ASCL2: variants seen among roughly 807,000 people sequenced by gnomAD.
ASCL2 encodes achaete-scute family bHLH transcription factor 2.
A neutral mutation model predicts 5.1 loss-of-function variants in ASCL2; 6 were observed. The observed-to-expected ratio is 1.17, with a 90% CI of 0.64 to 2.31. The LOEUF (loss-of-function observed/expected upper bound fraction) is 2.31, where lower values mean the gene tolerates loss of function less well. Ranked by LOEUF, ASCL2 falls within the 30% of genes most tolerant of loss-of-function variation. ASCL2 has a pLI of 0.00. For missense variants in ASCL2, 320 were observed against 310.3 expected (o/e 1.03, Z -0.23); for synonymous variants, 174 against 157.3 (o/e 1.11, Z -0.80).
In ASCL2 at chr11:2,270,448, G is replaced by A; in HGVS notation, c.-116C>T. ...GCCCCAAGGGGGCTTCTGGCACGGC[G>A]CCGCCAGGCAACTCCCCAGGGCACG... On this transcript the variant is annotated 5_prime_UTR_variant, in exon 1 of 2. Coordinates refer to ENST00000331289, the MANE Select transcript of ASCL2 (RefSeq NM_005170.3). 3 of 1,253,564 alleles carry A rather than the reference G, an allele frequency of 2.4e-6. No homozygotes were observed. The African/African-American group carries it at 4.7e-5, about 20-fold the overall frequency. 77.7% of individuals were successfully genotyped at this position (1,253,564 alleles called of 1,614,324 possible). A position where few individuals can be genotyped will look rare whatever the true frequency, so the allele number is the denominator to read the frequency against.
intron 1 of ASCL2, 32 bp downstream of exon 1, chr11:2,269,701 G>T: frequency 1.3e-6 from 1 of 783,746 alleles, no homozygotes. Context: ...CCGGCCCCCG[G>T]CCCTCCCTCC....
Position 2,269,795 on chromosome 11 carries a change from C to T in ASCL2, c.538G>A (p.Glu180Lys), listed in dbSNP as rs1286739602. ...CTGGAGAAGTCGAGTAGCTCGCGCTCCGCAGGACTCAGCGCGCCTTCGCAG... is the reference window on the plus strand; with the variant it reads ...CTGGAGAAGTCGAGTAGCTCGCGCTTCGCAGGACTCAGCGCGCCTTCGCAG... ...SGCEGALSPA[E>K]RELLDFSSWL... Residue 180 changes from glutamate to lysine, a missense_variant, in exon 1 of 2, where the codon GAG becomes AAG. Glu to Lys is a moderately conservative substitution (Grantham distance 56). Transcript: ENST00000331289. The T allele has an allele frequency of 1.7e-5, 24 of 1,446,394 alleles. No individual in the cohort carries two copies. Among genetic ancestry groups the T allele is most frequent in the Middle Eastern group, 2.0e-4 (1 of 5,070 alleles). The allele number at this position is 1,446,394 out of a possible 1,614,324, so 89.6% of individuals were successfully genotyped here. A position where few individuals can be genotyped will look rare whatever the true frequency, so the allele number is the denominator to read the frequency against.
rs749858000 is a variant in ASCL2, at chr11:2,270,123, G to A, written c.210C>T (p.Phe70=). The change falls in exon 1 of 2, where the codon TTC becomes TTT. Residue 70 remains phenylalanine, a synonymous_variant. Coordinates refer to ENST00000331289, the MANE Select transcript of ASCL2 (RefSeq NM_005170.3). ...RNRVKLVNLG[F]QALRQHVPHG... ...GCGGCACGTGCTGCCGCAGCGCCTG[G>A]AAGCCCAAGTTCACCAGCTTCACGC... The A allele has an allele frequency of 6.6e-7, 1 of 1,526,216 alleles. No homozygotes were observed. The highest frequency in any genetic ancestry group is 8.7e-7 in the Non-Finnish European group (1 of 1,143,540). The allele number at this position is 1,526,216 out of a possible 1,614,324, so 94.5% of individuals were successfully genotyped here.
chr11:2,269,916 G>T lies in ASCL2; in HGVS notation c.417C>A (p.Val139=), dbSNP rs2133757278. The change falls in exon 1 of 2, where the codon GTC becomes GTA. Residue 139 remains valine (V), a synonymous_variant. Coordinates refer to ENST00000331289, the MANE Select transcript of ASCL2 (RefSeq NM_005170.3). The part of the protein sequence containing the change: ...APRGPPGTTP[V]AASPSRASSS... ...AAGAAGCGCGGGAGGGCGAGGCGGCGACCGGGGTGGTCCCTGGCGGCCCGC... is the reference window on the plus strand; with the variant it reads ...AAGAAGCGCGGGAGGGCGAGGCGGCTACCGGGGTGGTCCCTGGCGGCCCGC... 4 of 1,289,012 alleles carry T rather than the reference G, an allele frequency of 3.1e-6. No individual in the cohort carries two copies. Among genetic ancestry groups the T allele is most frequent in the South Asian group, 2.6e-5 (1 of 38,148 alleles). 79.8% of individuals were successfully genotyped at this position (1,289,012 alleles called of 1,614,324 possible).
Position 2,270,529 on chromosome 11 carries a change from G to T in ASCL2, c.-197C>A. The stretch of plus-strand genomic sequence containing the variant: ...GAGGCCTAGTGGTGGCAGGCCGTAC[G>T]CGCCAGGGAGCGTGGGACGCTCGTG... On this transcript the variant is annotated 5_prime_UTR_variant, in exon 1 of 2. Transcript: ENST00000331289. The T allele has an allele frequency of 1.9e-6, 2 of 1,034,968 alleles. No individual in the cohort carries two copies. The highest frequency in any genetic ancestry group is 2.5e-6 in the Non-Finnish European group (2 of 798,084). The allele number at this position is 1,034,968 out of a possible 1,614,324, so 64.1% of individuals were successfully genotyped here. A position where few individuals can be genotyped will look rare whatever the true frequency, so the allele number is the denominator to read the frequency against.
In ASCL2 at chr11:2,270,483, TCGTCTGGAGC is replaced by T; in HGVS notation, c.-161_-152del. On this transcript the variant is annotated 5_prime_UTR_variant, in exon 1 of 2. Coordinates refer to ENST00000331289, the MANE Select transcript of ASCL2 (RefSeq NM_005170.3). ...AACTCCCCAGGGCACGCGTCCTAGGTCGTCTGGAGCCCGGGGATAGGAGGCCTAGTGGTGG... is the reference window on the plus strand; with the variant it reads ...AACTCCCCAGGGCACGCGTCCTAGGTCCGGGGATAGGAGGCCTAGTGGTGG... The T allele has an allele frequency of 8.1e-7, 1 of 1,232,296 alleles. No homozygotes were observed. Among genetic ancestry groups the T allele is most frequent in the East Asian group, 3.2e-5 (1 of 30,834 alleles). The allele number at this position is 1,232,296 out of a possible 1,614,324, so 76.3% of individuals were successfully genotyped here.
At position 2,270,148 on chromosome 11, in the gene ASCL2, C is replaced by G; in HGVS notation, c.185G>C (p.Arg62Pro). 6.5e-7 allele frequency: 1 copy of G among 1,527,374 alleles called. No homozygotes were observed. Among genetic ancestry groups the G allele is most frequent in the Non-Finnish European group, 8.7e-7 (1 of 1,145,006 alleles). The allele number at this position is 1,527,374 out of a possible 1,614,324, so 94.6% of individuals were successfully genotyped here. ...GAAGCCCAAGTTCACCAGCTTCACG[C>G]GGTTGCGCTCGCGCTCATTGCGCCG... is the stretch of plus-strand genomic sequence containing the variant. Reference protein sequence around the residue: ...VARRNERERNRVKLVNLGFQA... With the variant: ...VARRNERERNPVKLVNLGFQA... The change falls in exon 1 of 2, where the codon CGC becomes CCC. Residue 62 changes from arginine to proline, a missense_variant. By Grantham distance (103) the Arg-to-Pro change is moderately radical (BLOSUM62 -2). Coordinates refer to ENST00000331289, the MANE Select transcript of ASCL2 (RefSeq NM_005170.3).
chr11:2,269,488 T>C (rs945250660), intron 1 of ASCL2, among the ~76,000 whole-genome samples: 1 of 152,120 alleles, frequency 6.6e-6, no homozygotes, highest in African/African-American at 2.4e-5. Flanking sequence ...CCTCCCCTCG[T>C]CTACCCCTCC....
At position 2,270,121 on chromosome 11, in the gene ASCL2, T is replaced by C. The variant is rs1429308829; in HGVS notation, c.212A>G (p.Gln71Arg). ...NRVKLVNLGF[Q>R]ALRQHVPHGG... is the part of the protein sequence containing the mutation. The stretch of plus-strand genomic sequence containing the variant: ...GTGCGGCACGTGCTGCCGCAGCGCC[T>C]GGAAGCCCAAGTTCACCAGCTTCAC... The change falls in exon 1 of 2, where the codon CAG becomes CGG. Residue 71 changes from glutamine to arginine, a missense_variant. By Grantham distance (43) the Gln-to-Arg change is conservative (BLOSUM62 1). Coordinates refer to ENST00000331289, the MANE Select transcript of ASCL2 (RefSeq NM_005170.3). The C allele has an allele frequency of 6.6e-7, 1 of 1,525,104 alleles. No individual in the cohort carries two copies. Among genetic ancestry groups the C allele is most frequent in the Non-Finnish European group, 8.7e-7 (1 of 1,142,880 alleles). The allele number at this position is 1,525,104 out of a possible 1,614,324, so 94.5% of individuals were successfully genotyped here. A position where few individuals can be genotyped will look rare whatever the true frequency, so the allele number is the denominator to read the frequency against.
At chr11:2,269,613 A>G in intron 1 of ASCL2, 120 bp downstream of exon 1, 1 of 904,862 alleles carries the variant, frequency 1.1e-6, no homozygotes, top group Non-Finnish European at 1.5e-6. Context: ...AATCGAAGCC[A>G]TCGCTCGGGC....
Position 2,270,064 on chromosome 11 carries a change from T to C in ASCL2, c.269A>G (p.Glu90Gly), listed in dbSNP as rs1373754072. The C allele has an allele frequency of 1.3e-6, 2 of 1,486,960 alleles. No homozygotes were observed. The highest frequency in any genetic ancestry group is 1.8e-6 in the Non-Finnish European group (2 of 1,121,942). The allele number at this position is 1,486,960 out of a possible 1,614,324, so 92.1% of individuals were successfully genotyped here. Residue 90 changes from glutamate (E) to glycine (G), a missense_variant, in exon 1 of 2, where the codon GAG (glutamate) becomes GGG (glycine). Glu to Gly is a moderately conservative substitution (Grantham distance 98). Coordinates refer to ENST00000331289, the MANE Select transcript of ASCL2 (RefSeq NM_005170.3). ...GTACTCCACGGCTGAGCGCAGCGTC[T>C]CCACCTTGCTCAGCTTCTTGCTGGC... ...GGASKKLSKV[E>G]TLRSAVEYIR...
At position 2,270,315 on chromosome 11, in the gene ASCL2, C is replaced by T; in HGVS notation, c.18G>A (p.Leu6=). The T allele has an allele frequency of 7.7e-7, 1 of 1,302,866 alleles. No homozygotes were observed. Among genetic ancestry groups the T allele is most frequent in the Non-Finnish European group, 9.7e-7 (1 of 1,029,824 alleles). 80.7% of individuals were successfully genotyped at this position (1,302,866 alleles called of 1,614,324 possible). The change falls in exon 1 of 2, where the codon CTG becomes CTA. Residue 6 remains leucine, a synonymous_variant. Coordinates refer to ENST00000331289, the MANE Select transcript of ASCL2 (RefSeq NM_005170.3). ...GGGGCGCAGGGGGCGCGGACCTGGG[C>T]AGTGTGCCGCCGTCCATCGCGCCTG... MDGGT[L]PRSAPPAPPV...
At chr11:2,269,672 C>G in intron 1 of ASCL2, 61 bp downstream of exon 1, 720 of 893,348 alleles carry the variant, frequency 8.1e-4, no homozygotes, top group Non-Finnish European at 1.0e-3. Context: ...GCCGGGCCTG[C>G]CCACCCCGTC....
chr11:2,269,756 A>T lies in ASCL2; in HGVS notation c.577T>A (p.Tyr193Asn), dbSNP rs1847226870. Residue 193 changes from tyrosine to asparagine, a missense_variant, in exon 1 of 2, where the codon TAC (tyrosine) becomes AAC (asparagine). By Grantham distance (143) the Tyr-to-Asn change is moderately radical (BLOSUM62 -2). Transcript: ENST00000331289. ...LLDFSSWLGG[Y>N] ...ACCTCATAGGTCGAGGGCGCTCAGT[A>T]GCCCCCTAACCAGCTGGAGAAGTCG... 1 of 1,422,898 alleles carries T rather than the reference A, an allele frequency of 7.0e-7. No individual in the cohort carries two copies. The highest frequency in any genetic ancestry group is 9.2e-7 in the Non-Finnish European group (1 of 1,082,280). The allele number at this position is 1,422,898 out of a possible 1,614,324, so 88.1% of individuals were successfully genotyped here. A position where few individuals can be genotyped will look rare whatever the true frequency, so the allele number is the denominator to read the frequency against.
Position 2,270,093 on chromosome 11 carries a change from G to C in ASCL2, c.240C>G (p.Gly80=). ...FQALRQHVPH[G]GASKKLSKVE... is the part of the protein sequence containing the mutation. ...CCTTGCTCAGCTTCTTGCTGGCGCC[G>C]CCGTGCGGCACGTGCTGCCGCAGCG... Residue 80 remains glycine (G), a synonymous_variant, in exon 1 of 2, where the codon GGC becomes GGG. Coordinates refer to ENST00000331289, the MANE Select transcript of ASCL2 (RefSeq NM_005170.3). The C allele has an allele frequency of 6.7e-7, 1 of 1,502,128 alleles. No homozygotes were observed. Among genetic ancestry groups the C allele is most frequent in the Non-Finnish European group, 8.8e-7 (1 of 1,130,262 alleles). The allele number at this position is 1,502,128 out of a possible 1,614,324, so 93.0% of individuals were successfully genotyped here. A position where few individuals can be genotyped will look rare whatever the true frequency, so the allele number is the denominator to read the frequency against.
chr11:2,270,069 C>T lies in ASCL2; in HGVS notation c.264G>A (p.Lys88=), dbSNP rs1374588930. The T allele has an allele frequency of 7.4e-6, 11 of 1,491,246 alleles. No individual in the cohort carries two copies. Among genetic ancestry groups the T allele is most frequent in the Non-Finnish European group, 9.8e-6 (11 of 1,124,244 alleles). The allele number at this position is 1,491,246 out of a possible 1,614,324, so 92.4% of individuals were successfully genotyped here. A position where few individuals can be genotyped will look rare whatever the true frequency, so the allele number is the denominator to read the frequency against. ...CCACGGCTGAGCGCAGCGTCTCCAC[C>T]TTGCTCAGCTTCTTGCTGGCGCCGC... ...PHGGASKKLS[K]VETLRSAVEY... is the part of the protein sequence containing the mutation. The change falls in exon 1 of 2, where the codon AAG becomes AAA. Residue 88 remains lysine (K), a synonymous_variant. Coordinates refer to ENST00000331289, the MANE Select transcript of ASCL2 (RefSeq NM_005170.3).
In ASCL2 at chr11:2,270,440, G is replaced by A; in HGVS notation, c.-108C>T. 8.0e-7 allele frequency: 1 copy of A among 1,253,070 alleles called. No individual in the cohort carries two copies. The highest frequency in any genetic ancestry group is 1.0e-6 in the Non-Finnish European group (1 of 994,200). 77.6% of individuals were successfully genotyped at this position (1,253,070 alleles called of 1,614,324 possible). A position where few individuals can be genotyped will look rare whatever the true frequency, so the allele number is the denominator to read the frequency against. On this transcript the variant is annotated 5_prime_UTR_variant, in exon 1 of 2. Transcript: ENST00000331289. ...ACTGTGGCGCCCCAAGGGGGCTTCTGGCACGGCGCCGCCAGGCAACTCCCC... is the reference window on the plus strand; with the variant it reads ...ACTGTGGCGCCCCAAGGGGGCTTCTAGCACGGCGCCGCCAGGCAACTCCCC...
At chr11:2,269,409 G>A (rs992327731) in intron 1 of ASCL2, among the ~76,000 whole-genome samples, 15 of 150,220 alleles carry the variant, frequency 1.0e-4, no homozygotes, top group Non-Finnish European at 1.8e-4. Context: ...AAGTCACCCC[G>A]CCTCCAGCAC....
intron 1 of ASCL2, 45 bp downstream of exon 1, chr11:2,269,684 CTCCA>C: frequency 3.7e-4 from 432 of 1,174,356 alleles, no homozygotes; most frequent in Non-Finnish European, 4.2e-4. Context: ...CACCCCGTCC[CTCCA>C]CCCCGGCCCC....
Sources: allele counts gnomAD v4.1 joint callset (sites outside exome capture counted in the v4.1 genomes callset), GRCh38; gene constraint gnomAD v4.1.1; transcripts MANE v1.5; gene names NCBI Gene and HGNC (gene_info 2026-07-23, HGNC 2026-07-21).